The following COL24A1 variants were observed in gnomAD, a reference collection of about 807,000 sequenced individuals.
COL24A1 encodes the protein collagen type XXIV alpha 1 chain.
A neutral mutation model predicts 253.9 loss-of-function variants in COL24A1; 224 were observed. The observed-to-expected ratio is 0.88, with a 90% CI of 0.79 to 0.99. COL24A1 has a LOEUF of 0.99. Among genes scored for constraint, COL24A1 ranks in the 50% least tolerant of loss-of-function variants. The pLI is 0.00. For missense variants in COL24A1, 2,131 were observed against 2,068.5 expected (o/e 1.03, Z -0.59); for synonymous variants, 685 against 673.7 (o/e 1.02, Z -0.26).
chr1:86,009,210 C>T (rs1220071752), intron 19 of COL24A1, among the ~76,000 whole-genome samples: 1 of 152,132 alleles, frequency 6.6e-6, no homozygotes, highest in Non-Finnish European at 1.5e-5. Flanking sequence ...CATCTCAACA[C>T]ACCATAAAGT....
intron 19 of COL24A1, among the ~76,000 whole-genome samples, chr1:85,994,166 T>G (rs1477668872): frequency 6.6e-6 from 1 of 151,808 alleles, no homozygotes; most frequent in East Asian, 1.9e-4. Context: ...TAGAGATGAA[T>G]ATAGCCCTTG....
chr1:85,842,493 T>C, intron 39 of COL24A1, 100 bp from the exon 40 acceptor site: 1 of 836,524 alleles, frequency 1.2e-6, no homozygotes, highest in Non-Finnish European at 1.9e-6. Flanking sequence ...CTTTAGATTT[T>C]TCATGGTTGA....
chr1:85,847,756 A>G lies in COL24A1; in HGVS notation c.3371T>C (p.Ile1124Thr). 1.9e-6 allele frequency: 3 copies of G among 1,613,558 alleles called. No individual in the cohort carries two copies. Among genetic ancestry groups the G allele is most frequent in the Non-Finnish European group, 2.5e-6 (3 of 1,179,650 alleles). Reference protein sequence around the residue: ...RPGKKGDKGQIGPTGEVGSRG... With the variant: ...RPGKKGDKGQTGPTGEVGSRG... ...GCTTCCAACTTCTCCTGTGGGTCCT[A>G]TTTGTCCTTTATCACCCTGTGGATG... Residue 1124 changes from isoleucine to threonine, a missense_variant, in exon 39 of 60, where the codon ATA becomes ACA. Transcript: ENST00000370571.
intron 2 of COL24A1, among the ~76,000 whole-genome samples, chr1:86,143,994 C>T (rs1171442769): frequency 1.3e-5 from 2 of 152,172 alleles, no homozygotes; most frequent in South Asian, 2.1e-4. Flanking sequence ...CAAATTGCAT[C>T]GTGCCAATTT....
intron 7 of COL24A1, among the ~76,000 whole-genome samples, chr1:86,081,085 A>C (rs1375737498): frequency 2.0e-5 from 3 of 152,178 alleles, no homozygotes; most frequent in African/African-American, 7.2e-5. Flanking sequence ...GCACAGTATA[A>C]TTGAAAACAT....
chr1:85,809,017 G>A (rs1672263354), intron 47 of COL24A1, among the ~76,000 whole-genome samples: 1 of 152,172 alleles, frequency 6.6e-6, no homozygotes, highest in Non-Finnish European at 1.5e-5. Context: ...AGGATCAGTT[G>A]AGTCATGATT....
intron 47 of COL24A1, among the ~76,000 whole-genome samples, chr1:85,799,364 C>G (rs1671180862): frequency 8.4e-6 from 1 of 118,868 alleles, no homozygotes; most frequent in Admixed American, 1.0e-4. Context: ...CCAAGGAACA[C>G]CATGGTGCCA....
chr1:86,135,538 TTTTG>T (rs1404523117), intron 2 of COL24A1, among the ~76,000 whole-genome samples: 2 of 151,964 alleles, frequency 1.3e-5, no homozygotes, highest in Non-Finnish European at 2.9e-5. Flanking sequence ...TTAAATTCAT[TTTTG>T]TTTGTTTGAT....
chr1:85,872,968 C>G (rs997482382), intron 35 of COL24A1, among the ~76,000 whole-genome samples: 9 of 152,136 alleles, frequency 5.9e-5, no homozygotes, highest in Non-Finnish European at 1.2e-4. Flanking sequence ...CCAGAATCTA[C>G]AAAGAACTCA....
intron 32 of COL24A1, among the ~76,000 whole-genome samples, chr1:85,886,147 T>G (rs1682472742): frequency 6.6e-6 from 1 of 151,614 alleles, no homozygotes; most frequent in Non-Finnish European, 1.5e-5. Flanking sequence ...GCCTCCTGGG[T>G]TAAAGCAATT....
rs188949182 is a variant in COL24A1, at chr1:85,836,812, G to A, written c.3681+1773C>T. Among the ~76,000 whole-genome samples, 8 of 152,332 alleles carry A rather than the reference G, an allele frequency of 5.3e-5. No homozygotes were observed. The East Asian group carries it at 1.5e-3, about 29-fold the overall frequency. The stretch of plus-strand genomic sequence containing the variant: ...TGAAAAATTATCAGGGGTATACAAG[G>A]AAGGGGAAGGAGAAGTAGATTAGAC... On this transcript the variant is annotated intron_variant, in intron 43 of 59. Transcript: ENST00000370571.
chr1:85,925,912 G>T (rs751977270), intron 24 of COL24A1, among the ~76,000 whole-genome samples: 267 of 152,032 alleles, frequency 1.8e-3, no homozygotes, highest in Non-Finnish European at 3.4e-3. Context: ...GAAAATTTTT[G>T]CAATCTACCC....
intron 12 of COL24A1, among the ~76,000 whole-genome samples, chr1:86,036,774 G>A (rs1699065460): frequency 6.6e-6 from 1 of 152,098 alleles, no homozygotes; most frequent in African/African-American, 2.4e-5. Context: ...ACAAAAGACA[G>A]TCTCTATAAT....
At chr1:85,888,472 G>C (rs1682765733) in intron 32 of COL24A1, among the ~76,000 whole-genome samples, 1 of 151,992 alleles carries the variant, frequency 6.6e-6, no homozygotes, top group Non-Finnish European at 1.5e-5. Context: ...CAGGAAAGGG[G>C]ATTACAAAGA....
At position 85,927,512 on chromosome 1, in the gene COL24A1, C is replaced by A. The variant is rs536561968; in HGVS notation, c.2563-16079G>T. Reference sequence around the variant, plus strand: ...CGGCAACGAGGCTGGGGGAGGGGCGCCCGCCATTGCCCAGGCTTGCTTAGG... The same window carrying A: ...CGGCAACGAGGCTGGGGGAGGGGCGACCGCCATTGCCCAGGCTTGCTTAGG... On this transcript the variant is annotated intron_variant, in intron 24 of 59. Coordinates refer to ENST00000370571, the MANE Select transcript of COL24A1 (RefSeq NM_152890.7). 5.5e-4 allele frequency among the ~76,000 whole-genome samples: 71 copies of A among 129,726 alleles called. No homozygotes were observed. In the Middle Eastern group the frequency reaches 0.018, roughly 33 times the overall value. The allele number at this position is 129,726 out of a possible 152,430, so 85.1% of individuals were successfully genotyped here. A position where few individuals can be genotyped will look rare whatever the true frequency, so the allele number is the denominator to read the frequency against.
intron 58 of COL24A1, among the ~76,000 whole-genome samples, chr1:85,735,261 A>T (rs1663926997): frequency 6.6e-6 from 1 of 152,208 alleles, no homozygotes; most frequent in Non-Finnish European, 1.5e-5. Flanking sequence ...AATGGGAAGA[A>T]ATGTTAACAA....
chr1:85,814,829 C>A (rs1672899706), intron 47 of COL24A1, among the ~76,000 whole-genome samples: 2 of 152,246 alleles, frequency 1.3e-5, no homozygotes, highest in African/African-American at 4.8e-5. Flanking sequence ...ACGAGTATCT[C>A]ATAAGCTGAA....
chr1:86,133,885 C>T (rs1016622307), intron 2 of COL24A1, among the ~76,000 whole-genome samples: 4 of 152,142 alleles, frequency 2.6e-5, no homozygotes, highest in Non-Finnish European at 5.9e-5. Context: ...GGAGGATTCC[C>T]TCTTTTTCTA....
At chr1:85,959,335 C>G (rs149271934) in intron 24 of COL24A1, among the ~76,000 whole-genome samples, 79 of 152,172 alleles carry the variant, frequency 5.2e-4, no homozygotes, top group Middle Eastern at 3.4e-3. Context: ...GATAGAATCT[C>G]AAAGTTGGAA....
Sources: gnomAD v4.1 joint callset for allele counts (sites outside exome capture counted in the v4.1 genomes callset) on GRCh38, gnomAD v4.1.1 for gene constraint, MANE v1.5 for transcripts, NCBI Gene and HGNC (gene_info 2026-07-23, HGNC 2026-07-21) for gene names.